TTN: variants seen among roughly 807,000 people sequenced by gnomAD.
The protein encoded by TTN is titin.
TTN carries 1,525 observed loss-of-function variants against 3,223.0 expected under a neutral mutation model. The observed-to-expected ratio is 0.47, with a 90% CI of 0.45 to 0.49. TTN has a LOEUF of 0.49. Ranked by LOEUF, TTN falls within the 20% of genes least tolerant of loss-of-function variation. The probability of loss-of-function intolerance (pLI) is 0.00; values close to 1 mark genes in which losing one functional copy is unlikely to be tolerated. For missense variants in TTN, 40,786 were observed against 43,424.0 expected, an observed-to-expected ratio of 0.94 and a Z score of 5.40; for synonymous variants, 14,094 against 15,161.0, an observed-to-expected ratio of 0.93 and a Z score of 5.17.
Position 178,681,133 on chromosome 2 carries a change from G to A in TTN, c.33286C>T (p.Arg11096Cys), listed in dbSNP as rs377710763. ...EPKKVFEEKI[R>C]ISITKREKEQ... ...TTTTCACGTTTGGTAATTGAAATAC[G>A]TATTTTTTCCTCAAAAACTTTCTTT... is the stretch of plus-strand genomic sequence containing the variant. Residue 11096 changes from arginine to cysteine, a missense_variant, in exon 138 of 363, where the codon CGT (arginine) becomes TGT (cysteine). Arg to Cys is a radical substitution (Grantham distance 180). Transcript: ENST00000589042. 26 of 1,603,842 alleles carry A rather than the reference G, an allele frequency of 1.6e-5. No individual in the cohort carries two copies. The highest frequency in any genetic ancestry group is 1.5e-4 in the African/African-American group (11 of 74,182).
rs777956268 is a variant in TTN at position 178,756,489 on chromosome 2, A to G, written c.10987T>C (p.Phe3663Leu). The G allele has an allele frequency of 6.2e-6, 10 of 1,613,830 alleles. No homozygotes were observed. Among genetic ancestry groups the G allele is most frequent in the Non-Finnish European group, 8.5e-6 (10 of 1,179,804 alleles). ...ACAGTGACGTCCTGAAGATGCAGGA[A>G]AATCTTGGGCGCCTCACCCGTGGAC... ...KESTGEAPKIFLHLQDVTVKC... is the reference protein window; with the variant it reads ...KESTGEAPKILLHLQDVTVKC... The change falls in exon 46 of 363, where the codon TTC becomes CTC. Residue 3663 changes from phenylalanine (F) to leucine (L), a missense_variant. Coordinates refer to ENST00000589042, the MANE Select transcript of TTN (RefSeq NM_001267550.2).
chr2:178,614,476 C>T lies in TTN; in HGVS notation c.49038G>A (p.Val16346=). The stretch of plus-strand genomic sequence containing the variant: ...GAGAACCTTCCTTACCTAAGACGTT[C>T]ACTTCCACCACAGCAGTGGCCCGGC... The part of the protein sequence containing the change: ...VCGRATAVVE[V]NVLDKPGPPA... The change falls in exon 261 of 363, where the codon GTG becomes GTA. Residue 16346 remains valine (V), a synonymous_variant. Transcript: ENST00000589042. 1 of 1,602,434 alleles carries T rather than the reference C, an allele frequency of 6.2e-7. No homozygotes were observed. Among genetic ancestry groups the T allele is most frequent in the Non-Finnish European group, 8.5e-7 (1 of 1,174,556 alleles).
In TTN at chr2:178,531,161, T is replaced by G. The variant is rs772336949; in HGVS notation, c.105454A>C (p.Thr35152Pro). The G allele has an allele frequency of 3.7e-6, 6 of 1,614,016 alleles. No homozygotes were observed. In the South Asian group the frequency reaches 6.6e-5, roughly 18 times the overall value. ...ACAGTTGGTACCGGCTCACCATCGGTGTCACAAGAAAACCTTGCAGACTCG... is the reference window on the plus strand; with the variant it reads ...ACAGTTGGTACCGGCTCACCATCGGGGTCACAAGAAAACCTTGCAGACTCG... Reference protein sequence around the residue: ...EGESARFSCDTDGEPVPTVTW... With the variant: ...EGESARFSCDPDGEPVPTVTW... The change falls in exon 358 of 363, where the codon ACC (threonine) becomes CCC (proline). Residue 35152 changes from threonine to proline, a missense_variant. Coordinates refer to ENST00000589042, the MANE Select transcript of TTN (RefSeq NM_001267550.2).
chr2:178,710,580 G>C (rs2076511451), intron 98 of TTN, 55 bp downstream of exon 98: 1 of 1,550,956 alleles, frequency 6.4e-7, no homozygotes, highest in Non-Finnish European at 8.7e-7. Flanking sequence ...ACACCTTCAG[G>C]CTATACTACA....
Position 178,710,649 on chromosome 2 carries a change from T to C in TTN, c.28448A>G (p.Gln9483Arg). Residue 9483 changes from glutamine to arginine, a missense_variant, in exon 98 of 363, where the codon CAG becomes CGG. By Grantham distance (43) the Gln-to-Arg change is conservative. Transcript: ENST00000589042. ...ATAAACGATACCTTTTATATTCAGC[T>C]GAGCTGTGCAAGAGTCTTTTCCCAC... ...NEVGKDSCTA[Q>R]LNIKERLIPP... 1.2e-6 allele frequency: 2 copies of C among 1,609,794 alleles called. No individual in the cohort carries two copies. The highest frequency in any genetic ancestry group is 1.7e-6 in the Non-Finnish European group (2 of 1,177,490).
At position 178,652,104 on chromosome 2, in the gene TTN, G is replaced by A. The variant is rs777572812; in HGVS notation, c.39287C>T (p.Pro13096Leu). The A allele has an allele frequency of 1.2e-6, 2 of 1,613,028 alleles. No individual in the cohort carries two copies. The highest frequency in any genetic ancestry group is 1.3e-5 in the African/African-American group (1 of 74,860). ...AATAGTTTCATTATTACCTTCAGGG[G>A]GAGGACTTTCCGGTTTGGGAGGAAT... is the stretch of plus-strand genomic sequence containing the variant. ...EAIPPKPESP[P>L]PEVFEEPEEV... Residue 13096 changes from proline (P) to leucine (L), a missense_variant, in exon 204 of 363, where the codon CCC (proline) becomes CTC (leucine). Physicochemically the swap from Pro to Leu is moderately conservative, Grantham distance 98. Coordinates refer to ENST00000589042, the MANE Select transcript of TTN (RefSeq NM_001267550.2).
In TTN at chr2:178,802,413, T is replaced by C; in HGVS notation, c.92-72A>G. ...AAGTCCTCTGCTCTGTCCCATCATGTTCACTGCCTTGTCCGAATCTGTAAA... is the reference window on the plus strand; with the variant it reads ...AAGTCCTCTGCTCTGTCCCATCATGCTCACTGCCTTGTCCGAATCTGTAAA... On this transcript the variant is annotated intron_variant, in intron 2 of 362. Transcript: ENST00000589042. The C allele has an allele frequency of 2.6e-6, 4 of 1,519,934 alleles. No individual in the cohort carries two copies. The South Asian group carries it at 4.7e-5, about 18-fold the overall frequency. The allele number at this position is 1,519,934 out of a possible 1,614,324, so 94.2% of individuals were successfully genotyped here.
intron 218 of TTN, 32 bp downstream of exon 218, chr2:178,644,516 C>A: frequency 6.5e-7 from 1 of 1,526,906 alleles, no homozygotes; most frequent in Non-Finnish European, 8.8e-7. Flanking sequence ...AGGGGTACTA[C>A]ATAAGTATGT....
intron 330 of TTN, chr2:178,556,379 C>A (rs572111477): frequency 1.1e-3 from 187 of 173,776 alleles, no homozygotes; most frequent in Admixed American, 6.3e-3. Context: ...TGCAGTGAAC[C>A]AAGACCGTGC....
chr2:178,559,506 G>A lies in TTN; in HGVS notation c.86626C>T (p.Pro28876Ser), dbSNP rs1322696753. The A allele has an allele frequency of 2.5e-6, 4 of 1,613,704 alleles. No homozygotes were observed. The South Asian group carries it at 3.3e-5, about 13-fold the overall frequency. Residue 28876 changes from proline (P) to serine (S), a missense_variant, in exon 326 of 363, where the codon CCA becomes TCA. By Grantham distance (74) the Pro-to-Ser change is moderately conservative. Transcript: ENST00000589042. ...TTTTCTATGTGGTAATTCTTCACTG[G>A]TGCTCCACCATCGTTTTCAGGAACA... ...WDVPENDGGAPVKNYHIEKRE... is the reference protein window; with the variant it reads ...WDVPENDGGASVKNYHIEKRE...
intron 43 of TTN, among the ~76,000 whole-genome samples, chr2:178,761,802 T>C (rs1000407076): frequency 6.6e-6 from 1 of 152,218 alleles, no homozygotes; most frequent in African/African-American, 2.4e-5. Context: ...ATTGCACAGA[T>C]GCTTAAATGA....
At position 178,734,744 on chromosome 2, in the gene TTN, G is replaced by GT. The variant is rs1385955660; in HGVS notation, c.15179_15180insA (p.Gly5061ArgfsTer3). 1 of 1,613,012 alleles carries GT rather than the reference G, an allele frequency of 6.2e-7. No homozygotes were observed. The highest frequency in any genetic ancestry group is 8.5e-7 in the Non-Finnish European group (1 of 1,179,222). ...TTTCAGTACTGCAGCTATCACTGCC[G>GT]ACGTCATTCACTGCTTCACATGAGT... On this transcript the variant is annotated frameshift_variant, in exon 51 of 363. Coordinates refer to ENST00000589042, the MANE Select transcript of TTN (RefSeq NM_001267550.2). LOFTEE classifies it high-confidence loss of function.
chr2:178,533,372 C>G lies in TTN; in HGVS notation c.103243G>C (p.Gly34415Arg), dbSNP rs1170678153. Reference sequence around the variant, plus strand: ...ATGTGCAGAGCATAATAATCCAAGCCTTCATGGATAATTTCAATGTTAGGC... The same window carrying G: ...ATGTGCAGAGCATAATAATCCAAGCGTTCATGGATAATTTCAATGTTAGGC... ...LGPNIEIIHE[G>R]LDYYALHIRD... The change falls in exon 358 of 363, where the codon GGC becomes CGC. Residue 34415 changes from glycine (G) to arginine (R), a missense_variant. Gly to Arg is a moderately radical substitution (Grantham distance 125). Coordinates refer to ENST00000589042, the MANE Select transcript of TTN (RefSeq NM_001267550.2). 1 of 1,613,590 alleles carries G rather than the reference C, an allele frequency of 6.2e-7. No homozygotes were observed. The highest frequency in any genetic ancestry group is 8.5e-7 in the Non-Finnish European group (1 of 1,179,856).
At chr2:178,694,525 C>T in intron 117 of TTN, 74 bp downstream of exon 117, 1 of 1,030,960 alleles carries the variant, frequency 9.7e-7, no homozygotes, top group Non-Finnish European at 1.4e-6. Context: ...AGTTACTTAG[C>T]AATATATGTA....
chr2:178,621,444 A>G, intron 245 of TTN, 31 bp downstream of exon 245: 1 of 1,484,052 alleles, frequency 6.7e-7, no homozygotes, highest in Non-Finnish European at 8.9e-7. Context: ...AATTGTTAGA[A>G]ATAAAAGATT....
chr2:178,575,952 T>C lies in TTN; in HGVS notation c.70180A>G (p.Thr23394Ala). Residue 23394 changes from threonine (T) to alanine (A), a missense_variant, in exon 326 of 363, where the codon ACG becomes GCG. Physicochemically the swap from Thr to Ala is moderately conservative, Grantham distance 58. Transcript: ENST00000589042. The surrounding 1 kb of genome is among the most constrained non-coding windows in gnomAD (Gnocchi z 4.0). ...NLKNRANIEN[T>A]ESFTLLIIPE... ...ATAATCAGAAGAGTAAATGATTCCG[T>C]ATTTTCAATGTTGGCTCGGTTTTTC... 6.2e-7 allele frequency: 1 copy of C among 1,611,838 alleles called. No individual in the cohort carries two copies. The highest frequency in any genetic ancestry group is 8.5e-7 in the Non-Finnish European group (1 of 1,178,128).
rs2047137031 is a variant in TTN at position 178,579,287 on chromosome 2, T to A, written c.67743A>T (p.Ser22581=). ...KIPIKGKPAP[S]VSWKKGEDPL... The stretch of plus-strand genomic sequence containing the variant: ...GATCTTCCCCTTTCTTCCAGGAGAC[T>A]GATGGAGCTGGCTTGCCTTTTATGG... The change falls in exon 320 of 363, where the codon TCA becomes TCT. Residue 22581 remains serine, a synonymous_variant. Coordinates refer to ENST00000589042, the MANE Select transcript of TTN (RefSeq NM_001267550.2). The A allele has an allele frequency of 4.3e-6, 7 of 1,613,058 alleles. No individual in the cohort carries two copies. Among genetic ancestry groups the A allele is most frequent in the Non-Finnish European group, 4.2e-6 (5 of 1,179,488 alleles).
Position 178,722,948 on chromosome 2 carries a change from A to C in TTN, c.21962-11T>G. ...CAAAATAAGGCGGTTCTAAGGAAGA[A>C]AGGCTCACAGTTAGCAACTGGAATT... On this transcript the variant is annotated splice_polypyrimidine_tract_variant and intron_variant, in intron 75 of 362. Transcript: ENST00000589042. The C allele has an allele frequency of 6.2e-7, 1 of 1,605,404 alleles. No homozygotes were observed. The highest frequency in any genetic ancestry group is 8.5e-7 in the Non-Finnish European group (1 of 1,176,052).
rs1427198480 is a variant in TTN, at chr2:178,611,642, C to T, written c.50587G>A (p.Asp16863Asn). The T allele has an allele frequency of 6.2e-7, 1 of 1,612,908 alleles. No individual in the cohort carries two copies. Among genetic ancestry groups the T allele is most frequent in the African/African-American group, 1.3e-5 (1 of 74,870 alleles). ...PSPPLDLHVT[D>N]AGRKHIAIAW... ...ATGGCAATGTGTTTTCTCCCAGCAT[C>T]AGTCACATGTAGGTCAAGGGGTGGT... The change falls in exon 269 of 363, where the codon GAT becomes AAT. Residue 16863 changes from aspartate (D) to asparagine (N), a missense_variant. Coordinates refer to ENST00000589042, the MANE Select transcript of TTN (RefSeq NM_001267550.2).
Sources: allele counts gnomAD v4.1 joint callset (sites outside exome capture counted in the v4.1 genomes callset), GRCh38; gene constraint gnomAD v4.1.1; non-coding constraint Gnocchi (gnomAD v3.1); transcripts MANE v1.5; gene names NCBI Gene and HGNC (gene_info 2026-07-23, HGNC 2026-07-21).